TRPM5: variants seen among roughly 807,000 people sequenced by gnomAD.
The protein encoded by TRPM5 is MLSN1 and TRP-related.
TRPM5 carries 121 observed loss-of-function variants against 124.9 expected under a neutral mutation model. That is an observed-to-expected ratio of 0.97 (90% CI 0.84 to 1.13). The LOEUF (loss-of-function observed/expected upper bound fraction) is 1.13. Among genes scored for constraint, TRPM5 ranks in the 50% most tolerant of loss-of-function variants. The probability of loss-of-function intolerance (pLI) is 0.00; values close to 1 mark genes in which losing one functional copy is unlikely to be tolerated. For missense variants in TRPM5, 1,643 were observed against 1,589.1 expected (o/e 1.03, Z -0.58); for synonymous variants, 781 against 700.5 (o/e 1.11, Z -1.81).
At chr11:2,442,301 T>A in the TRPM5 span, among the ~76,000 whole-genome samples, 3 of 152,070 alleles carry the variant, frequency 2.0e-5, no homozygotes, top group Admixed American at 1.3e-4. The surrounding 1 kb of genome is among the most constrained non-coding windows in gnomAD (Gnocchi z 5.9). Context: ...GGTTTGTACT[T>A]CTTTGATTTT....
At chr11:2,415,335 A>T (rs1277504723) in exon 9 of TRPM5, 2 of 1,585,490 alleles carry the variant, frequency 1.3e-6, no homozygotes, top group South Asian at 2.2e-5. Context: ...CTTGCGTGAC[A>T]CGGAGCGGTA....
chr11:2,415,068 C>CCTT, intron 9 of TRPM5, 21 bp from the exon 15 acceptor site: 1 of 1,593,040 alleles, frequency 6.3e-7, no homozygotes, highest in East Asian at 2.2e-5. Flanking sequence ...CGGGCGTCGG[C>CCTT]CTCCTGCTGC....
At chr11:2,427,509 C>T (rs905552014), upstream of TRPM5, among the ~76,000 whole-genome samples, 1 of 152,228 alleles carries the variant, frequency 6.6e-6, no homozygotes, top group African/African-American at 2.4e-5. Flanking sequence ...TGAACCAACA[C>T]AGGGCACCAC....
At chr11:2,418,443 C>G in intron 5 of TRPM5, 84 bp downstream of exon 10, 1 of 1,438,132 alleles carries the variant, frequency 7.0e-7, no homozygotes, top group Non-Finnish European at 9.1e-7. Flanking sequence ...CCCATCCCTT[C>G]AGCCCTGTCC....
At chr11:2,415,577 C>T in intron 8 of TRPM5, 106 bp from the exon 14 acceptor site, 1 of 803,682 alleles carries the variant, frequency 1.2e-6, no homozygotes, top group Non-Finnish European at 1.9e-6. Context: ...GATCCATCCC[C>T]AGGGCCAGGT....
intron 23 of TRPM5, 87 bp from the exon 29 acceptor site, chr11:2,405,130 C>G: frequency 8.7e-7 from 1 of 1,145,376 alleles, no homozygotes; most frequent in South Asian, 1.4e-5. Flanking sequence ...GAGGCAAGGG[C>G]CAGGACGCCG....
chr11:2,422,951 T>C (rs1845792546), exon 1 of TRPM5: 9 of 1,613,154 alleles, frequency 5.6e-6, no homozygotes, highest in Non-Finnish European at 7.6e-6. Flanking sequence ...CCCTCCAAAG[T>C]TGACCTCGCC....
chr11:2,406,456 C>T (rs369394333), intron 21 of TRPM5, among the ~76,000 whole-genome samples: 13 of 152,268 alleles, frequency 8.5e-5, no homozygotes, highest in East Asian at 3.9e-4. Flanking sequence ...TCACTGTGCA[C>T]GCTCCCTTTT....
At chr11:2,411,092 T>C (rs945201060) in intron 18 of TRPM5, among the ~76,000 whole-genome samples, 9 of 152,080 alleles carry the variant, frequency 5.9e-5, no homozygotes, top group African/African-American at 2.2e-4. Flanking sequence ...TGGGGTCTCC[T>C]TGTGTCTCCT....
the TRPM5 span, among the ~76,000 whole-genome samples, chr11:2,438,574 G>A: frequency 6.6e-6 from 1 of 152,132 alleles, no homozygotes; most frequent in Non-Finnish European, 1.5e-5. This position sits in a 1 kb window ranked among gnomAD's most constrained non-coding sequence, Gnocchi z 5.9. Flanking sequence ...GGTTAAGGTG[G>A]GAGGATCACC....
the TRPM5 span, among the ~76,000 whole-genome samples, chr11:2,432,604 C>T: frequency 2.6e-5 from 4 of 152,252 alleles, no homozygotes; most frequent in African/African-American, 9.6e-5. Context: ...GGCTGGCTCC[C>T]CACCTGCACC....
the TRPM5 span, among the ~76,000 whole-genome samples, chr11:2,432,625 T>A: frequency 6.6e-6 from 1 of 152,102 alleles, no homozygotes; most frequent in South Asian, 2.1e-4. Context: ...ACAGGCAGCC[T>A]CCCCCCAGGC....
intron 21 of TRPM5, 129 bp downstream of exon 26, chr11:2,406,532 G>C (rs557817175): frequency 7.7e-7 from 1 of 1,300,962 alleles, no homozygotes; most frequent in Non-Finnish European, 1.1e-6. Flanking sequence ...CCCTGGGCTC[G>C]GCCAGAGCCC....
chr11:2,427,591 G>A (rs543352782), upstream of TRPM5, among the ~76,000 whole-genome samples: 8 of 152,378 alleles, frequency 5.3e-5, no homozygotes, highest in East Asian at 7.7e-4. Context: ...AGGGCTGGCC[G>A]TCCTCAGGTG....
chr11:2,414,009 G>GGGGGGGGCCCCCCCCCCC, intron 12 of TRPM5, 52 bp downstream of exon 17: 28 of 1,023,704 alleles, frequency 2.7e-5, no homozygotes, highest in Non-Finnish European at 3.6e-5. Context: ...GGCCCAGCTC[G>GGGGGGGGCCCCCCCCCCC]CCCGCCCACC....
At chr11:2,432,656 G>C in the TRPM5 span, among the ~76,000 whole-genome samples, 3 of 152,252 alleles carry the variant, frequency 2.0e-5, no homozygotes, top group African/African-American at 7.2e-5. Context: ...GTGCCATGTG[G>C]CATTTTATTT....
chr11:2,412,440 C>T (rs577015780), intron 15 of TRPM5, among the ~76,000 whole-genome samples, 187 bp from the exon 21 acceptor site: 4 of 152,356 alleles, frequency 2.6e-5, no homozygotes, highest in African/African-American at 9.6e-5. Flanking sequence ...TGAGGTCAGT[C>T]TCCACTTGGG....
intron 7 of TRPM5, among the ~76,000 whole-genome samples, chr11:2,417,146 C>T (rs564572519): frequency 2.0e-4 from 30 of 152,258 alleles, no homozygotes; most frequent in African/African-American, 6.7e-4. Flanking sequence ...CCCCACCTCA[C>T]GAATATACTA....
At chr11:2,425,791 G>A (rs1286848415), upstream of TRPM5, among the ~76,000 whole-genome samples, 1 of 152,180 alleles carries the variant, frequency 6.6e-6, no homozygotes, top group Non-Finnish European at 1.5e-5. Context: ...TAGGGGGCTT[G>A]GGGTTTGGCC....
Sources: gnomAD v4.1 joint callset for allele counts (sites outside exome capture counted in the v4.1 genomes callset) on GRCh38, gnomAD v4.1.1 for gene constraint, Gnocchi (gnomAD v3.1) non-coding constraint, MANE v1.5 for transcripts, NCBI Gene and HGNC (gene_info 2026-07-23, HGNC 2026-07-21) for gene names.